Variants in AGAP1 observed in about 807,000 individuals in gnomAD.
AGAP1 encodes the protein ArfGAP with GTPase domain, ankyrin repeat and PH domain 1, also known as arf-GAP with GTPase, ANK repeat and PH domain-containing protein 1.
AGAP1 carries 29 observed loss-of-function variants against 105.3 expected under a neutral mutation model. The observed-to-expected ratio is 0.28, with a 90% CI of 0.21 to 0.38. AGAP1 has a LOEUF of 0.38. AGAP1 is among the 10% of genes least tolerant of loss of function. The pLI is 1.00. For synonymous variants in AGAP1, 509 were observed against 485.9 expected (o/e 1.05, Z -0.63); for missense variants, 998 against 1,165.1 (o/e 0.86, Z 2.09).
In AGAP1 at chr2:236,078,968, C is replaced by T. The variant is rs375761693; in HGVS notation, c.2114+29687C>T. On this transcript the variant is annotated intron_variant, in intron 16 of 17. Coordinates refer to ENST00000304032, the MANE Select transcript of AGAP1 (RefSeq NM_001037131.3). This position sits in a 1 kb window ranked among gnomAD's most constrained non-coding sequence, Gnocchi z 5.3. ...GGCTTGAACAGTGAGGTTCCAGTCC[C>T]GTCCCTTTAGCCTCATCCCTCATGG... Among the ~76,000 whole-genome samples, 5 of 152,150 alleles carry T rather than the reference C, an allele frequency of 3.3e-5. No homozygotes were observed. Among genetic ancestry groups the T allele is most frequent in the Admixed American group, 2.6e-4 (4 of 15,278 alleles).
rs1011010772 is a variant in AGAP1, at chr2:235,983,012, A to G, written c.1645+14389A>G. Reference sequence around the variant, plus strand: ...AAAGCATTTGCAAACACTCCTCCACACTGTTCAGATGAGCGATGTGTGAGC... The same window carrying G: ...AAAGCATTTGCAAACACTCCTCCACGCTGTTCAGATGAGCGATGTGTGAGC... On this transcript the variant is annotated intron_variant, in intron 13 of 17. Transcript: ENST00000304032. The surrounding 1 kb of genome is among the most constrained non-coding windows in gnomAD (Gnocchi z 4.5). Among the ~76,000 whole-genome samples, 5 of 152,078 alleles carry G rather than the reference A, an allele frequency of 3.3e-5. No individual in the cohort carries two copies. Among genetic ancestry groups the G allele is most frequent in the Non-Finnish European group, 7.4e-5 (5 of 68,020 alleles).
rs2125305181 is a variant in AGAP1, at chr2:235,959,599, A to C, written c.1484-8863A>C. Among the ~76,000 whole-genome samples the C allele has an allele frequency of 6.6e-6, 1 of 152,038 alleles. No homozygotes were observed. Among genetic ancestry groups the C allele is most frequent in the Non-Finnish European group, 1.5e-5 (1 of 68,000 alleles). ...CTCTGGTCGCTCCTCACTGGTCTTG[A>C]GTCCCAGGTGACACTTCCTGCCCGA... On this transcript the variant is annotated intron_variant, in intron 12 of 17. Coordinates refer to ENST00000304032, the MANE Select transcript of AGAP1 (RefSeq NM_001037131.3). This position sits in a 1 kb window ranked among gnomAD's most constrained non-coding sequence, Gnocchi z 7.3.
In AGAP1 at chr2:236,076,555, G is replaced by T. The variant is rs2058639829; in HGVS notation, c.2114+27274G>T. 6.6e-6 allele frequency among the ~76,000 whole-genome samples: 1 copy of T among 152,158 alleles called. No homozygotes were observed. Among genetic ancestry groups the T allele is most frequent in the Admixed American group, 6.5e-5 (1 of 15,268 alleles). ...TGACCCAGGACACCGTGGAATCTGG[G>T]AAAGCCATGATTTCCACAGTATACT... On this transcript the variant is annotated intron_variant, in intron 16 of 17. Coordinates refer to ENST00000304032, the MANE Select transcript of AGAP1 (RefSeq NM_001037131.3). This position sits in a 1 kb window ranked among gnomAD's most constrained non-coding sequence, Gnocchi z 4.4.
At chr2:235,991,617 A>G (rs1268803815) in intron 13 of AGAP1, among the ~76,000 whole-genome samples, 1 of 152,192 alleles carries the variant, frequency 6.6e-6, no homozygotes, top group Non-Finnish European at 1.5e-5. Context: ...TTGGTGCATG[A>G]CATTGGAGTT....
At chr2:235,840,050 C>T (rs925708305) in intron 9 of AGAP1, among the ~76,000 whole-genome samples, 1 of 152,186 alleles carries the variant, frequency 6.6e-6, no homozygotes, top group Admixed American at 6.5e-5. Flanking sequence ...TTATTCAAAA[C>T]CCTTGATGGG....
rs2149696594 is a variant in AGAP1 at position 235,747,793 on chromosome 2, T to A, written c.539-2561T>A. 6.6e-6 allele frequency among the ~76,000 whole-genome samples: 1 copy of A among 152,264 alleles called. No individual in the cohort carries two copies. The highest frequency in any genetic ancestry group is 2.1e-4 in the South Asian group (1 of 4,824). ...TGCCAGAGACAAAAGAGGGATCAGG[T>A]TGTCTAGGAAGGCACCTGGCATTTC... is the stretch of plus-strand genomic sequence containing the variant. On this transcript the variant is annotated intron_variant, in intron 5 of 17. Coordinates refer to ENST00000304032, the MANE Select transcript of AGAP1 (RefSeq NM_001037131.3). This position sits in a 1 kb window ranked among gnomAD's most constrained non-coding sequence, Gnocchi z 5.0.
Position 235,737,709 on chromosome 2 carries a change from C to G in AGAP1, c.311-3254C>G, listed in dbSNP as rs971567725. Among the ~76,000 whole-genome samples the G allele has an allele frequency of 3.9e-5, 6 of 152,098 alleles. No individual in the cohort carries two copies. Among genetic ancestry groups the G allele is most frequent in the African/African-American group, 1.4e-4 (6 of 41,408 alleles). On this transcript the variant is annotated intron_variant, in intron 3 of 17. Coordinates refer to ENST00000304032, the MANE Select transcript of AGAP1 (RefSeq NM_001037131.3). This position sits in a 1 kb window ranked among gnomAD's most constrained non-coding sequence, Gnocchi z 4.5. Reference sequence around the variant, plus strand: ...CATCTGCCAGGGCGTCACGGTCATTCCACGAGAGCTGGGTGGTGACGCTCC... The same window carrying G: ...CATCTGCCAGGGCGTCACGGTCATTGCACGAGAGCTGGGTGGTGACGCTCC...
At chr2:235,528,295 A>T (rs775151888) in intron 1 of AGAP1, among the ~76,000 whole-genome samples, 52 of 151,568 alleles carry the variant, frequency 3.4e-4, no homozygotes, top group Non-Finnish European at 6.8e-4. Flanking sequence ...TGGAGCGCAC[A>T]AATTCTTTCA....
At chr2:235,950,972 T>C (rs375875816) in intron 12 of AGAP1, among the ~76,000 whole-genome samples, 9 of 150,772 alleles carry the variant, frequency 6.0e-5, no homozygotes, top group East Asian at 5.9e-4. Flanking sequence ...GATAAAACTT[T>C]GGTGGTGCAA....
rs568139049 is a variant in AGAP1 at position 236,082,809 on chromosome 2, G to A, written c.2114+33528G>A. On this transcript the variant is annotated intron_variant, in intron 16 of 17. Transcript: ENST00000304032. The surrounding 1 kb of genome is among the most constrained non-coding windows in gnomAD (Gnocchi z 4.2). Reference sequence around the variant, plus strand: ...GAATTGCTTGAAACCTGGAGGTGGAGGTTGCAGTGAGCCGAGATTGCACCC... The same window carrying A: ...GAATTGCTTGAAACCTGGAGGTGGAAGTTGCAGTGAGCCGAGATTGCACCC... Among the ~76,000 whole-genome samples, 1 of 152,244 alleles carries A rather than the reference G, an allele frequency of 6.6e-6. No homozygotes were observed. Among genetic ancestry groups the A allele is most frequent in the South Asian group, 2.1e-4 (1 of 4,828 alleles).
At chr2:235,603,751 A>G (rs1358785686) in intron 1 of AGAP1, among the ~76,000 whole-genome samples, 1 of 152,094 alleles carries the variant, frequency 6.6e-6, no homozygotes, top group Non-Finnish European at 1.5e-5. Flanking sequence ...TCCATGTGTG[A>G]AGTATTTTCT....
At position 235,789,793 on chromosome 2, in the gene AGAP1, G is replaced by C. The variant is rs1956867433; in HGVS notation, c.674-7966G>C. ...CATGGCATGTCCTAATGACTTACTC[G>C]AGCAGTTGAATCTTGGCCACAGCTT... On this transcript the variant is annotated intron_variant, in intron 6 of 17. Transcript: ENST00000304032. The surrounding 1 kb of genome is among the most constrained non-coding windows in gnomAD (Gnocchi z 4.2). Among the ~76,000 whole-genome samples, 1 of 152,104 alleles carries C rather than the reference G, an allele frequency of 6.6e-6. No homozygotes were observed. The highest frequency in any genetic ancestry group is 2.4e-5 in the African/African-American group (1 of 41,412).
At position 236,105,617 on chromosome 2, in the gene AGAP1, G is replaced by A. The variant is rs1026872714; in HGVS notation, c.2115-14575G>A. ...GTCACCCAGGCTGCAGTGCAGTGGCGTGAACTCGGCTCACTGCAACCTCCG... is the reference window on the plus strand; with the variant it reads ...GTCACCCAGGCTGCAGTGCAGTGGCATGAACTCGGCTCACTGCAACCTCCG... On this transcript the variant is annotated intron_variant, in intron 16 of 17. Coordinates refer to ENST00000304032, the MANE Select transcript of AGAP1 (RefSeq NM_001037131.3). The surrounding 1 kb of genome is among the most constrained non-coding windows in gnomAD (Gnocchi z 4.2). Among the ~76,000 whole-genome samples, 4 of 144,842 alleles carry A rather than the reference G, an allele frequency of 2.8e-5. No individual in the cohort carries two copies. Among genetic ancestry groups the A allele is most frequent in the South Asian group, 2.2e-4 (1 of 4,562 alleles).
rs1952145712 is a variant in AGAP1, at chr2:235,734,727, T to TGTTG, written c.311-6234_311-6231dup. Among the ~76,000 whole-genome samples, 1 of 152,212 alleles carries TGTTG rather than the reference T, an allele frequency of 6.6e-6. No homozygotes were observed. Among genetic ancestry groups the TGTTG allele is most frequent in the South Asian group, 2.1e-4 (1 of 4,830 alleles). On this transcript the variant is annotated intron_variant, in intron 3 of 17. Transcript: ENST00000304032. This position sits in a 1 kb window ranked among gnomAD's most constrained non-coding sequence, Gnocchi z 5.3. ...TAGTCCCGCCTCTCTGCCTGTTTGA[T>TGTTG]GTTGGCCCTGTGGATGCTGCAAAAC...
intron 1 of AGAP1, among the ~76,000 whole-genome samples, chr2:235,682,387 G>A (rs2149402629): frequency 6.6e-6 from 1 of 151,402 alleles, no homozygotes; most frequent in East Asian, 1.9e-4. Flanking sequence ...CTGTTGCCCA[G>A]GCTGGAGTGC....
rs2051396545 is a variant in AGAP1 at position 235,908,112 on chromosome 2, C to T, written c.1156-626C>T. ...AGTTTCCAGGTAGTGTTTGACTCCACAGTGAGTTAAGTGAGCTGCCAGAGA... is the reference window on the plus strand; with the variant it reads ...AGTTTCCAGGTAGTGTTTGACTCCATAGTGAGTTAAGTGAGCTGCCAGAGA... On this transcript the variant is annotated intron_variant, in intron 10 of 17. Transcript: ENST00000304032. The surrounding 1 kb of genome is among the most constrained non-coding windows in gnomAD (Gnocchi z 4.4). 6.6e-6 allele frequency among the ~76,000 whole-genome samples: 1 copy of T among 152,166 alleles called. No homozygotes were observed. Among genetic ancestry groups the T allele is most frequent in the African/African-American group, 2.4e-5 (1 of 41,432 alleles).
chr2:235,839,752 G>A (rs949928520), intron 9 of AGAP1, among the ~76,000 whole-genome samples: 1 of 152,164 alleles, frequency 6.6e-6, no homozygotes, highest in African/African-American at 2.4e-5. Flanking sequence ...GGGCTCCTAC[G>A]TGTACCTCCT....
Position 235,494,653 on chromosome 2 carries a change from G to GCGGC in AGAP1, c.-34_-33insCGGC, listed in dbSNP as rs1941227079. 9.3e-7 allele frequency: 1 copy of GCGGC among 1,069,924 alleles called. No homozygotes were observed. Among genetic ancestry groups the GCGGC allele is most frequent in the African/African-American group, 1.7e-5 (1 of 58,112 alleles). The allele number at this position is 1,069,924 out of a possible 1,614,324, so 66.3% of individuals were successfully genotyped here. A position where few individuals can be genotyped will look rare whatever the true frequency, so the allele number is the denominator to read the frequency against. ...CCCGGGGCGCGGGGCGGCGGCGGCG[G>GCGGC]GGGGCGCGCGGCTCCGGGCGCGGCG... On this transcript the variant is annotated 5_prime_UTR_variant, in exon 1 of 18. Coordinates refer to ENST00000304032, the MANE Select transcript of AGAP1 (RefSeq NM_001037131.3).
rs143139395 is a variant in AGAP1, at chr2:235,664,333, C to T, written c.164-44846C>T. Among the ~76,000 whole-genome samples the T allele has an allele frequency of 0.032, 4,821 of 151,958 alleles. 246 individuals carry two copies. The highest frequency in any genetic ancestry group is 0.1 in the African/African-American group (4,339 of 41,414). ...TTCAAGCGATTTCCCTACCTCAGCC[C>T]CCCAGGTAGCTGGGATTACAGGTGC... is the stretch of plus-strand genomic sequence containing the variant. On this transcript the variant is annotated intron_variant, in intron 1 of 17. Transcript: ENST00000304032. This position sits in a 1 kb window ranked among gnomAD's most constrained non-coding sequence, Gnocchi z 5.7.
Sources: gnomAD v4.1 joint callset for allele counts (sites outside exome capture counted in the v4.1 genomes callset) on GRCh38, gnomAD v4.1.1 for gene constraint, Gnocchi (gnomAD v3.1) non-coding constraint, MANE v1.5 for transcripts, NCBI Gene and HGNC (gene_info 2026-07-23, HGNC 2026-07-21) for gene names.